The following NCOA1 variants were observed in gnomAD, a reference collection of about 807,000 sequenced individuals.
The protein encoded by NCOA1 is nuclear receptor coactivator 1, also known as Hin-2 protein.
Under a neutral mutation model 150.9 loss-of-function variants are expected in NCOA1, and 35 were observed. That is an observed-to-expected ratio of 0.23 (90% CI 0.18 to 0.31). NCOA1 has a LOEUF of 0.31. Among genes scored for constraint, NCOA1 ranks in the 10% least tolerant of loss-of-function variants. NCOA1 has a pLI of 1.00. For synonymous variants in NCOA1, 590 were observed against 630.0 expected, an observed-to-expected ratio of 0.94 and a Z score of 0.95; for missense variants, 1,491 against 1,749.3, an observed-to-expected ratio of 0.85 and a Z score of 2.63.
intron 6 of NCOA1, among the ~76,000 whole-genome samples, chr2:24,670,585 T>C (rs563709774): frequency 1.3e-5 from 2 of 152,264 alleles, no homozygotes; most frequent in Admixed American, 1.3e-4. Flanking sequence ...TATGACCACA[T>C]ATTGTATGAT....
At chr2:24,762,101 G>C (rs1332397509) in intron 21 of NCOA1, among the ~76,000 whole-genome samples, 7 of 152,248 alleles carry the variant, frequency 4.6e-5, no homozygotes, top group African/African-American at 1.7e-4. Flanking sequence ...GCCAGGCGCT[G>C]CCTGGATTCC....
chr2:24,719,431 G>A (rs1421894096), intron 14 of NCOA1, among the ~76,000 whole-genome samples: 2 of 150,028 alleles, frequency 1.3e-5, no homozygotes, highest in Non-Finnish European at 3.0e-5. Flanking sequence ...TAAAATGGGT[G>A]CATTTTATTG....
intron 16 of NCOA1, among the ~76,000 whole-genome samples, chr2:24,729,098 AT>A (rs924358628): frequency 2.6e-5 from 4 of 151,808 alleles, no homozygotes; most frequent in South Asian, 2.1e-4. Context: ...TGAGCTGTGG[AT>A]TTTTTTTTCA....
intron 3 of NCOA1, among the ~76,000 whole-genome samples, chr2:24,602,458 G>T (rs1393950830): frequency 6.6e-6 from 1 of 152,004 alleles, no homozygotes; most frequent in Non-Finnish European, 1.5e-5. Context: ...ACCTCAGCCT[G>T]CCTAAGTGCT....
At chr2:24,660,711 TG>T in intron 5 of NCOA1, among the ~76,000 whole-genome samples, 1 of 152,278 alleles carries the variant, frequency 6.6e-6, no homozygotes, top group East Asian at 1.9e-4. Flanking sequence ...AAATTTTCAA[TG>T]TTACAGCCAG....
chr2:24,698,426 C>A (rs1451760544), intron 11 of NCOA1, among the ~76,000 whole-genome samples: 1 of 151,760 alleles, frequency 6.6e-6, no homozygotes, highest in Non-Finnish European at 1.5e-5. Flanking sequence ...AAAAATATAT[C>A]CTATGAAATT....
chr2:24,732,456 T>G (rs1022200252), intron 17 of NCOA1, among the ~76,000 whole-genome samples: 2 of 152,222 alleles, frequency 1.3e-5, no homozygotes, highest in Admixed American at 6.5e-5. Context: ...CCTTCTCTTT[T>G]AAGCCATAAG....
chr2:24,595,873 G>A (rs967866546), intron 3 of NCOA1, among the ~76,000 whole-genome samples: 2 of 152,122 alleles, frequency 1.3e-5, no homozygotes, highest in African/African-American at 4.8e-5. Flanking sequence ...AAGTGTTAAT[G>A]TGATACTGTG....
At chr2:24,722,978 G>A (rs1674425821) in intron 14 of NCOA1, among the ~76,000 whole-genome samples, 1 of 84,530 alleles carries the variant, frequency 1.2e-5, no homozygotes. Flanking sequence ...GCGACAGTGA[G>A]ACCCTGTCTC....
intron 1 of NCOA1, among the ~76,000 whole-genome samples, chr2:24,493,582 A>G (rs942593316): frequency 6.6e-6 from 1 of 151,394 alleles, no homozygotes; most frequent in African/African-American, 2.4e-5. Context: ...AGTATTTTAG[A>G]TCTGCAGTGG....
At position 24,768,415 on chromosome 2, in the gene NCOA1, T is replaced by C. The variant is rs1192578034; in HGVS notation, c.*24T>C. ...AACCACTTTTAAAGGAATGTGAAAT[T>C]TAAATAATAGACATACAGAGATATA... On this transcript the variant is annotated 3_prime_UTR_variant, in exon 23 of 23. Coordinates refer to ENST00000348332, the MANE Select transcript of NCOA1 (RefSeq NM_003743.5). 8 of 1,553,484 alleles carry C rather than the reference T, an allele frequency of 5.1e-6. No individual in the cohort carries two copies. In the Admixed American group the frequency reaches 7.4e-5, roughly 14 times the overall value.
intron 1 of NCOA1, among the ~76,000 whole-genome samples, chr2:24,499,815 A>G (rs886122353): frequency 6.6e-6 from 1 of 152,188 alleles, no homozygotes; most frequent in Non-Finnish European, 1.5e-5. Context: ...AGCCCTGTCT[A>G]TTATTTGACT....
intron 2 of NCOA1, among the ~76,000 whole-genome samples, chr2:24,577,461 A>C (rs1248244523): frequency 1.3e-5 from 2 of 152,208 alleles, no homozygotes; most frequent in Non-Finnish European, 2.9e-5. Flanking sequence ...GATTGAGTGT[A>C]ATCGTCTTCC....
In NCOA1 at chr2:24,676,169, T is replaced by G. The variant is rs143318725; in HGVS notation, c.354+2706T>G. The G allele has an allele frequency of 5.9e-3, 913 of 154,776 alleles. 10 individuals are homozygous for G. Among genetic ancestry groups the G allele is most frequent in the African/African-American group, 0.021 (858 of 41,632 alleles). The allele number at this position is 154,776 out of a possible 1,614,324, so 9.6% of individuals were successfully genotyped here. A position where few individuals can be genotyped will look rare whatever the true frequency, so the allele number is the denominator to read the frequency against. ...ACCAGTGCTATGATAACATCCAGTTTACTCATGTGACCTGGGATAGTTCCT... is the reference window on the plus strand; with the variant it reads ...ACCAGTGCTATGATAACATCCAGTTGACTCATGTGACCTGGGATAGTTCCT... On this transcript the variant is annotated intron_variant, in intron 7 of 22. Transcript: ENST00000348332.
At chr2:24,604,517 C>A (rs1558831251) in intron 3 of NCOA1, among the ~76,000 whole-genome samples, 1 of 152,370 alleles carries the variant, frequency 6.6e-6, no homozygotes, top group East Asian at 1.9e-4. Flanking sequence ...TCAGCACTTG[C>A]TGCTTCACCT....
At chr2:24,661,157 C>T (rs1204291237) in intron 5 of NCOA1, among the ~76,000 whole-genome samples, 1 of 152,104 alleles carries the variant, frequency 6.6e-6, no homozygotes, top group East Asian at 1.9e-4. Flanking sequence ...TTGAGAATTC[C>T]TCTTTTCCCA....
chr2:24,719,065 G>A (rs943117423), intron 14 of NCOA1, among the ~76,000 whole-genome samples: 2 of 139,970 alleles, frequency 1.4e-5, no homozygotes, highest in Admixed American at 7.1e-5. Context: ...ACCCCAAACC[G>A]GAACAAACTA....
intron 4 of NCOA1, among the ~76,000 whole-genome samples, chr2:24,651,830 T>C (rs1670723897): frequency 6.6e-6 from 1 of 152,028 alleles, no homozygotes; most frequent in African/African-American, 2.4e-5. Flanking sequence ...AACCATGAGA[T>C]ACCATTTCAC....
chr2:24,744,255 A>G (rs1335489119), intron 19 of NCOA1, among the ~76,000 whole-genome samples: 1 of 152,174 alleles, frequency 6.6e-6, no homozygotes, highest in Non-Finnish European at 1.5e-5. Context: ...ATATTTTCAC[A>G]AAATAAGAAT....
Sources: allele counts gnomAD v4.1 joint callset (sites outside exome capture counted in the v4.1 genomes callset), GRCh38; gene constraint gnomAD v4.1.1; transcripts MANE v1.5; gene names NCBI Gene and HGNC (gene_info 2026-07-23, HGNC 2026-07-21).